The following COL6A6 variants were observed in gnomAD, a reference collection of about 807,000 sequenced individuals.
COL6A6 encodes the protein collagen alpha-6(VI) chain.
Under a neutral mutation model 208.6 loss-of-function variants are expected in COL6A6, and 183 were observed. The observed-to-expected ratio is 0.88, with a 90% confidence interval of 0.78 to 0.99. The LOEUF (loss-of-function observed/expected upper bound fraction) is 0.99. Ranked by LOEUF, COL6A6 falls within the 50% of genes least tolerant of loss-of-function variation. The pLI is 0.00. For synonymous variants in COL6A6, 973 were observed against 1,011.8 expected (o/e 0.96, Z 0.73); for missense variants, 2,816 against 2,815.2 (o/e 1.00, Z -0.01).
intron 1 of COL6A6, among the ~76,000 whole-genome samples, chr3:130,553,657 A>T (rs1404191149): frequency 6.6e-6 from 1 of 151,050 alleles, no homozygotes; most frequent in Non-Finnish European, 1.5e-5. Flanking sequence ...CTGCCATTTC[A>T]GCCAGTTTCA....
At position 130,554,918 on chromosome 3, in the gene COL6A6, G is replaced by A. The variant is rs117721012; in HGVS notation, c.-31-5416G>A. Among the ~76,000 whole-genome samples the A allele has an allele frequency of 2.0e-5, 3 of 152,196 alleles. No individual in the cohort carries two copies. In the East Asian group the frequency reaches 5.8e-4, roughly 29 times the overall value. Reference sequence around the variant, plus strand: ...GGCCAGCATAGGAGCTATGACGTGGGCCCCTGAGAGGTACCTCAGTTGAGG... The same window carrying A: ...GGCCAGCATAGGAGCTATGACGTGGACCCCTGAGAGGTACCTCAGTTGAGG... On this transcript the variant is annotated intron_variant, in intron 1 of 36. Coordinates refer to ENST00000358511, the MANE Select transcript of COL6A6 (RefSeq NM_001102608.3).
chr3:130,671,872 A>G (rs1468590328), intron 36 of COL6A6, among the ~76,000 whole-genome samples: 5 of 152,244 alleles, frequency 3.3e-5, no homozygotes, highest in African/African-American at 7.2e-5. Flanking sequence ...ATCTACTCAG[A>G]AACAATAAAG....
In COL6A6 at chr3:130,574,312, G is replaced by A. The variant is rs1223472538; in HGVS notation, c.3334G>A (p.Gly1112Ser). 1.2e-6 allele frequency: 2 copies of A among 1,613,978 alleles called. No homozygotes were observed. Among genetic ancestry groups the A allele is most frequent in the Admixed American group, 1.7e-5 (1 of 60,022 alleles). ...TPQVLLVLTD[G>S]QSQDEVAQAA... is the part of the protein sequence containing the mutation. ...ACAGGTGCTGCTGGTCCTTACAGAT[G>A]GCCAGTCCCAAGACGAGGTGGCCCA... Residue 1112 changes from glycine to serine, a missense_variant, in exon 8 of 37, where the codon GGC becomes AGC. Gly to Ser is a moderately conservative substitution (Grantham distance 56). Coordinates refer to ENST00000358511, the MANE Select transcript of COL6A6 (RefSeq NM_001102608.3).
chr3:130,626,197 G>A (rs568153899), intron 24 of COL6A6, among the ~76,000 whole-genome samples: 2 of 152,312 alleles, frequency 1.3e-5, no homozygotes, highest in African/African-American at 2.4e-5. Flanking sequence ...TCCTGGAAAC[G>A]ATTTTGTTAA....
chr3:130,580,990 C>T (rs1297413011), intron 8 of COL6A6, among the ~76,000 whole-genome samples: 2 of 151,572 alleles, frequency 1.3e-5, no homozygotes, highest in African/African-American at 4.9e-5. Context: ...CAAAGGATCT[C>T]CTGAATTTTT....
intron 32 of COL6A6, among the ~76,000 whole-genome samples, chr3:130,646,732 G>A (rs557359284): frequency 6.6e-6 from 1 of 152,334 alleles, no homozygotes; most frequent in African/African-American, 2.4e-5. Flanking sequence ...ATAAAAACAT[G>A]GGGAATAGGC....
At chr3:130,527,547 T>A (rs1022659815) in intron 1 of COL6A6, among the ~76,000 whole-genome samples, 1 of 152,240 alleles carries the variant, frequency 6.6e-6, no homozygotes. Context: ...AAGAGTCTCC[T>A]CTGTTCTCTT....
At chr3:130,519,086 T>C (rs996312860) in intron 1 of COL6A6, among the ~76,000 whole-genome samples, 1 of 152,218 alleles carries the variant, frequency 6.6e-6, no homozygotes, top group Non-Finnish European at 1.5e-5. Context: ...CTTCAGATAG[T>C]CTGAATTTCA....
intron 7 of COL6A6, among the ~76,000 whole-genome samples, chr3:130,572,772 A>G (rs1333542134): frequency 1.3e-5 from 2 of 152,246 alleles, no homozygotes; most frequent in Non-Finnish European, 2.9e-5. Context: ...GGATCGATTT[A>G]CCATATTTCT....
At position 130,598,425 on chromosome 3, in the gene COL6A6, A is replaced by G. The variant is rs1018813229; in HGVS notation, c.4594A>G (p.Arg1532Gly). 33 of 1,548,866 alleles carry G rather than the reference A, an allele frequency of 2.1e-5. No homozygotes were observed. Among genetic ancestry groups the G allele is most frequent in the Admixed American group, 1.4e-4 (7 of 51,156 alleles). The change falls in exon 19 of 37, where the codon AGA becomes GGA. Residue 1532 changes from arginine (R) to glycine (G), a missense_variant. By Grantham distance (125) the Arg-to-Gly change is moderately radical. Transcript: ENST00000358511. ...GPTGLKGERG[R>G]QGRRGWPGPP... ...CACAGGCTTGAAAGGAGAACGTGGA[A>G]GACAAGTAATTACGTGGGCTTGTAA...
chr3:130,536,813 T>G (rs1219945869), intron 1 of COL6A6, among the ~76,000 whole-genome samples: 1 of 152,228 alleles, frequency 6.6e-6, no homozygotes, highest in Admixed American at 6.5e-5. Flanking sequence ...TATCTCATTT[T>G]TAGTTTAAAA....
intron 18 of COL6A6, among the ~76,000 whole-genome samples, chr3:130,596,639 A>G (rs1576297018): frequency 6.6e-6 from 1 of 152,346 alleles, no homozygotes; most frequent in South Asian, 2.1e-4. Context: ...TTATGATCAC[A>G]TGGAAGTGCA....
At chr3:130,533,253 T>TAA (rs59750509) in intron 1 of COL6A6, among the ~76,000 whole-genome samples, 6,865 of 129,440 alleles carry the variant, frequency 0.053, 715 homozygotes, top group African/African-American at 0.19. Context: ...TCCCAGGAAT[T>TAA]AAAAAAAAAA....
rs1447203277 is a variant in COL6A6, at chr3:130,589,085, C to T, written c.4126-5C>T. The T allele has an allele frequency of 6.2e-7, 1 of 1,612,676 alleles. No homozygotes were observed. Among genetic ancestry groups the T allele is most frequent in the Non-Finnish European group, 8.5e-7 (1 of 1,178,838 alleles). On this transcript the variant is annotated splice_region_variant and splice_polypyrimidine_tract_variant and intron_variant, in intron 11 of 36. Transcript: ENST00000358511. Reference sequence around the variant, plus strand: ...AATGTAATGTATTTCTTACCCTCTCCCAAGGTCAATGTTGCTGAAAGGACA... The same window carrying T: ...AATGTAATGTATTTCTTACCCTCTCTCAAGGTCAATGTTGCTGAAAGGACA...
intron 8 of COL6A6, among the ~76,000 whole-genome samples, chr3:130,577,469 G>A (rs2063324791): frequency 6.6e-6 from 1 of 152,208 alleles, no homozygotes; most frequent in South Asian, 2.1e-4. Flanking sequence ...AGACATCATA[G>A]GGTTGTATCT....
intron 1 of COL6A6, among the ~76,000 whole-genome samples, chr3:130,556,663 AGTATCT>A: frequency 6.6e-6 from 1 of 152,046 alleles, no homozygotes; most frequent in East Asian, 1.9e-4. Context: ...TTAGTATTGT[AGTATCT>A]ATTTCTTAGA....
intron 2 of COL6A6, among the ~76,000 whole-genome samples, chr3:130,562,144 A>ACT (rs1408635018): frequency 6.6e-6 from 1 of 152,186 alleles, no homozygotes; most frequent in African/African-American, 2.4e-5. Context: ...ATGCTAAGGT[A>ACT]GAGAGAGCTC....
At chr3:130,570,226 A>C (rs1233009328) in intron 6 of COL6A6, among the ~76,000 whole-genome samples, 1 of 152,236 alleles carries the variant, frequency 6.6e-6, no homozygotes, top group Non-Finnish European at 1.5e-5. Flanking sequence ...AGTTGGACCC[A>C]GTGCGAAGTG....
chr3:130,523,583 T>C (rs1711210024), intron 1 of COL6A6, among the ~76,000 whole-genome samples: 1 of 152,198 alleles, frequency 6.6e-6, no homozygotes, highest in Non-Finnish European at 1.5e-5. Context: ...GATCTGGGGT[T>C]CCTGACACCT....
Sources: gnomAD v4.1 joint callset for allele counts (sites outside exome capture counted in the v4.1 genomes callset) on GRCh38, gnomAD v4.1.1 for gene constraint, MANE v1.5 for transcripts, NCBI Gene and HGNC (gene_info 2026-07-23, HGNC 2026-07-21) for gene names.